KDM4B: variants seen among roughly 807,000 people sequenced by gnomAD.
KDM4B encodes lysine-specific demethylase 4B.
A neutral mutation model predicts 125.2 loss-of-function variants in KDM4B; 32 were observed. That is an observed-to-expected ratio of 0.26 (90% CI 0.19 to 0.34). KDM4B has a LOEUF of 0.34. Ranked by LOEUF, KDM4B falls within the 10% of genes least tolerant of loss-of-function variation. The pLI, the probability that KDM4B is intolerant of heterozygous loss-of-function variation, is 1.00. For synonymous variants in KDM4B, 721 were observed against 677.9 expected, an observed-to-expected ratio of 1.06 and a Z score of -0.99; for missense variants, 1,190 against 1,577.7, an observed-to-expected ratio of 0.75 and a Z score of 4.16.
intron 9 of KDM4B, among the ~76,000 whole-genome samples, chr19:5,100,991 C>T (rs1249496113): frequency 5.9e-5 from 9 of 151,936 alleles, no homozygotes; most frequent in East Asian, 1.9e-4. Context: ...GAGGCTGAGG[C>T]GGGCGGATCA....
rs377667927 is a variant in KDM4B at position 4,983,506 on chromosome 19, G to A, written c.-109+14276G>A. On this transcript the variant is annotated intron_variant, in intron 1 of 22. Transcript: ENST00000159111. ...TCTTCCCAGTGGGCTCTCGCCCACAGTCTCTCGCCTTTGCCAGGGAGCACT... is the reference window on the plus strand; with the variant it reads ...TCTTCCCAGTGGGCTCTCGCCCACAATCTCTCGCCTTTGCCAGGGAGCACT... Among the ~76,000 whole-genome samples, 45 of 152,362 alleles carry A rather than the reference G, an allele frequency of 3.0e-4. No individual in the cohort carries two copies. The South Asian group carries it at 8.5e-3, about 29-fold the overall frequency.
intron 1 of KDM4B, among the ~76,000 whole-genome samples, chr19:5,000,394 T>TCTCTGTCCATCCATCC: frequency 7.5e-6 from 1 of 133,774 alleles, no homozygotes; most frequent in Non-Finnish European, 1.5e-5. Context: ...TCCATCCATC[T>TCTCTGTCCATCCATCC]GTCTGTCCAT....
intron 1 of KDM4B, among the ~76,000 whole-genome samples, chr19:4,985,863 G>A (rs576863951): frequency 6.6e-6 from 1 of 152,336 alleles, no homozygotes; most frequent in Middle Eastern, 3.4e-3. Flanking sequence ...GTCTGTCTCT[G>A]GCCAAGGCTG....
chr19:4,972,696 G>A (rs2034302790), intron 1 of KDM4B, among the ~76,000 whole-genome samples: 1 of 152,216 alleles, frequency 6.6e-6, no homozygotes, highest in Non-Finnish European at 1.5e-5. Flanking sequence ...TGCTGTGACC[G>A]TGATGGGCCT....
intron 9 of KDM4B, among the ~76,000 whole-genome samples, chr19:5,104,325 C>T (rs1282349862): frequency 6.6e-6 from 1 of 152,218 alleles, no homozygotes; most frequent in African/African-American, 2.4e-5. Flanking sequence ...CAGGGCCCAG[C>T]GTTGCACGGT....
Position 5,082,239 on chromosome 19 carries a change from C to T in KDM4B, c.781-128C>T, listed in dbSNP as rs2038321450. 1.8e-6 allele frequency: 2 copies of T among 1,141,442 alleles called. No homozygotes were observed. The highest frequency in any genetic ancestry group is 2.5e-6 in the Non-Finnish European group (2 of 810,614). The allele number at this position is 1,141,442 out of a possible 1,614,324, so 70.7% of individuals were successfully genotyped here. On this transcript the variant is annotated intron_variant, in intron 8 of 22. Transcript: ENST00000159111. This position sits in a 1 kb window ranked among gnomAD's most constrained non-coding sequence, Gnocchi z 5.4. ...GGAGCCCCTGGAGCCGCTGGATCAC[C>T]TTTGACTTTGTGAAACCCCCTTGGC... is the stretch of plus-strand genomic sequence containing the variant.
intron 10 of KDM4B, chr19:5,119,206 A>G: frequency 6.5e-7 from 1 of 1,533,242 alleles, no homozygotes. Flanking sequence ...GCAGACCAAA[A>G]GGCCGGGGCT....
chr19:4,969,645 A>G (rs1217583163), intron 1 of KDM4B, among the ~76,000 whole-genome samples: 1 of 151,922 alleles, frequency 6.6e-6, no homozygotes, highest in African/African-American at 2.4e-5. Flanking sequence ...TTTTGAAAGA[A>G]AGCAAGAAAA....
At chr19:5,079,939 G>A (rs901058095) in intron 8 of KDM4B, among the ~76,000 whole-genome samples, 4 of 152,150 alleles carry the variant, frequency 2.6e-5, no homozygotes, top group Admixed American at 1.3e-4. Context: ...AGCTCCCAGC[G>A]TAGTGGGGAG....
At chr19:5,090,873 T>C (rs1599600303) in intron 9 of KDM4B, among the ~76,000 whole-genome samples, 2 of 151,810 alleles carry the variant, frequency 1.3e-5, no homozygotes, top group East Asian at 4.0e-4. Flanking sequence ...ACCAGGTGTC[T>C]CCTGGGCCAG....
chr19:5,037,132 G>C (rs533426824), intron 3 of KDM4B, among the ~76,000 whole-genome samples: 1 of 152,226 alleles, frequency 6.6e-6, no homozygotes, highest in African/African-American at 2.4e-5. Flanking sequence ...GATCATGGGC[G>C]AGTTTCCTCT....
At chr19:4,978,608 C>T (rs2034534821) in intron 1 of KDM4B, among the ~76,000 whole-genome samples, 1 of 151,714 alleles carries the variant, frequency 6.6e-6, no homozygotes, top group African/African-American at 2.4e-5. Context: ...TTTTTTGGCC[C>T]CTCTAGCCAC....
intron 9 of KDM4B, among the ~76,000 whole-genome samples, chr19:5,104,485 TTTTTTTTTTTTC>T (rs1483717908): frequency 6.6e-6 from 1 of 151,746 alleles, no homozygotes; most frequent in Non-Finnish European, 1.5e-5. Context: ...TCAGTACCTT[TTTTTTTTTTTTC>T]CAGCAACTAA....
Position 5,110,506 on chromosome 19 carries a change from C to T in KDM4B, c.919-116C>T, listed in dbSNP as rs568616161. ...AATGTTCTAGAAGCGGAATGCTCAG[C>T]GGTGGGATGGGGTGTGGGAGGCCCG... is the stretch of plus-strand genomic sequence containing the variant. On this transcript the variant is annotated intron_variant, in intron 9 of 22. Coordinates refer to ENST00000159111, the MANE Select transcript of KDM4B (RefSeq NM_015015.3). 145 of 901,022 alleles carry T rather than the reference C, an allele frequency of 1.6e-4. No homozygotes were observed. The East Asian group carries it at 2.3e-3, about 15-fold the overall frequency. 55.8% of individuals were successfully genotyped at this position (901,022 alleles called of 1,614,324 possible).
chr19:5,007,587 C>A (rs1466032178), intron 1 of KDM4B, among the ~76,000 whole-genome samples: 3 of 133,774 alleles, frequency 2.2e-5, no homozygotes, highest in African/African-American at 8.6e-5. Context: ...GTTCCATCTC[C>A]TAGGCTGGAG....
At chr19:5,049,202 G>T (rs1056675609) in intron 6 of KDM4B, among the ~76,000 whole-genome samples, 4 of 152,122 alleles carry the variant, frequency 2.6e-5, no homozygotes, top group Non-Finnish European at 5.9e-5. Context: ...ACAGGGATGC[G>T]CCAGGAGCCG....
intron 9 of KDM4B, among the ~76,000 whole-genome samples, chr19:5,101,793 G>C (rs994189284): frequency 6.6e-6 from 1 of 152,192 alleles, no homozygotes; most frequent in African/African-American, 2.4e-5. Context: ...TGGGTGGGCT[G>C]TTATGGGGGA....
At chr19:5,013,850 C>T (rs925566761) in intron 1 of KDM4B, among the ~76,000 whole-genome samples, 9 of 152,248 alleles carry the variant, frequency 5.9e-5, no homozygotes, top group South Asian at 2.1e-4. Flanking sequence ...CCCACAGCTG[C>T]GTGGAGGGAT....
At position 5,137,208 on chromosome 19, in the gene KDM4B, C is replaced by T. The variant is rs1252894331; in HGVS notation, c.2309-54C>T. The T allele has an allele frequency of 8.9e-5, 124 of 1,387,932 alleles. 1 individual carries two copies. The South Asian group carries it at 1.5e-3, about 17-fold the overall frequency. 86.0% of individuals were successfully genotyped at this position (1,387,932 alleles called of 1,614,324 possible). ...GCCCCTCCCCCTGAGTTTCACTCGG[C>T]TCCCCAAGTCTCACCTGCCCCCCAG... On this transcript the variant is annotated intron_variant, in intron 15 of 22. Transcript: ENST00000159111.
Sources: gnomAD v4.1 joint callset for allele counts (sites outside exome capture counted in the v4.1 genomes callset) on GRCh38, gnomAD v4.1.1 for gene constraint, Gnocchi (gnomAD v3.1) non-coding constraint, MANE v1.5 for transcripts, NCBI Gene and HGNC (gene_info 2026-07-23, HGNC 2026-07-21) for gene names.